The following SUGCT variants were observed in gnomAD, a reference collection of about 807,000 sequenced individuals.
SUGCT encodes the protein succinyl-CoA:glutarate CoA-transferase.
Under a neutral mutation model 55.0 loss-of-function variants are expected in SUGCT, and 41 were observed. The observed-to-expected ratio is 0.74, with a 90% CI of 0.58 to 0.97. The LOEUF (loss-of-function observed/expected upper bound fraction) is 0.97. Ranked by LOEUF, SUGCT falls within the 50% of genes least tolerant of loss-of-function variation. SUGCT has a pLI of 0.00. For missense variants in SUGCT, 568 were observed against 547.8 expected (o/e 1.04, Z -0.37); for synonymous variants, 187 against 200.4 (o/e 0.93, Z 0.56).
At chr7:40,838,944 G>GTTT (rs74338520) in intron 13 of SUGCT, among the ~76,000 whole-genome samples, 1 of 129,956 alleles carries the variant, frequency 7.7e-6, no homozygotes, top group Non-Finnish European at 1.7e-5. Flanking sequence ...TTTGGTGAGA[G>GTTT]TTTTTTTTTT....
chr7:40,438,453 G>A (rs1352438883), intron 9 of SUGCT, among the ~76,000 whole-genome samples: 1 of 152,132 alleles, frequency 6.6e-6, no homozygotes, highest in Non-Finnish European at 1.5e-5. Context: ...TTCTCACGAT[G>A]AGCGTATGAT....
At chr7:40,636,915 C>T (rs957161984) in intron 12 of SUGCT, among the ~76,000 whole-genome samples, 2 of 152,080 alleles carry the variant, frequency 1.3e-5, no homozygotes, top group African/African-American at 2.4e-5. Context: ...ATCCCTAACC[C>T]CTCCTTTCCC....
chr7:40,541,082 G>T (rs1430533957), intron 12 of SUGCT, among the ~76,000 whole-genome samples: 1 of 152,180 alleles, frequency 6.6e-6, no homozygotes, highest in Non-Finnish European at 1.5e-5. Context: ...TTGGCAGTGG[G>T]TGAAGAGGAA....
At chr7:40,709,846 G>A (rs1349574704) in intron 12 of SUGCT, among the ~76,000 whole-genome samples, 2 of 152,170 alleles carry the variant, frequency 1.3e-5, no homozygotes, top group Admixed American at 6.5e-5. Context: ...CTTCACTGCC[G>A]GAATTTCTGA....
At chr7:40,561,393 G>A (rs1001093354) in intron 12 of SUGCT, among the ~76,000 whole-genome samples, 12 of 152,112 alleles carry the variant, frequency 7.9e-5, no homozygotes, top group African/African-American at 2.9e-4. Flanking sequence ...TGGAGAACTG[G>A]GTTGCATCTC....
At chr7:40,211,764 T>C (rs1203285442) in intron 6 of SUGCT, among the ~76,000 whole-genome samples, 5 of 152,164 alleles carry the variant, frequency 3.3e-5, no homozygotes, top group Admixed American at 1.3e-4. Context: ...TTTCTTCTCA[T>C]GCCCCACCTC....
intron 6 of SUGCT, among the ~76,000 whole-genome samples, chr7:40,215,024 A>T (rs1050784287): frequency 1.3e-5 from 2 of 152,208 alleles, no homozygotes; most frequent in Admixed American, 6.5e-5. Context: ...CATTCCCTCT[A>T]TGGAGAATGA....
chr7:40,554,186 C>T lies in SUGCT; in HGVS notation c.1089+57800C>T, dbSNP rs148167602. Reference sequence around the variant, plus strand: ...CATAGTGCCCGACACATTATGAGCACTCAATAAATACTTGATATTAATGTT... The same window carrying T: ...CATAGTGCCCGACACATTATGAGCATTCAATAAATACTTGATATTAATGTT... On this transcript the variant is annotated intron_variant, in intron 12 of 13. Transcript: ENST00000335693. Among the ~76,000 whole-genome samples, 23 of 152,306 alleles carry T rather than the reference C, an allele frequency of 1.5e-4. No individual in the cohort carries two copies. In the East Asian group the frequency reaches 4.2e-3, roughly 28 times the overall value.
chr7:41,024,270 G>T, the SUGCT span, among the ~76,000 whole-genome samples: 22 of 152,294 alleles, frequency 1.4e-4, no homozygotes, highest in African/African-American at 4.3e-4. Context: ...GAGAATATCT[G>T]TATAAGCTTG....
At chr7:40,213,422 C>T (rs544930210) in intron 6 of SUGCT, among the ~76,000 whole-genome samples, 6 of 152,284 alleles carry the variant, frequency 3.9e-5, no homozygotes, top group African/African-American at 1.4e-4. Flanking sequence ...AAGACTATTA[C>T]AGAGGTGAAG....
the SUGCT span, among the ~76,000 whole-genome samples, chr7:40,989,834 G>T: frequency 6.6e-6 from 1 of 152,110 alleles, no homozygotes; most frequent in Non-Finnish European, 1.5e-5. Context: ...TTATGAGATT[G>T]CAGAAATTTA....
At chr7:40,606,702 T>C (rs10486810) in intron 12 of SUGCT, among the ~76,000 whole-genome samples, 31,619 of 152,140 alleles carry the variant, frequency 0.21, 5,616 homozygotes, top group African/African-American at 0.48. Context: ...GTCTTTATCA[T>C]GGAACCTGTC....
In SUGCT at chr7:40,336,052, A is replaced by G. The variant is rs545030379; in HGVS notation, c.816+19197A>G. Among the ~76,000 whole-genome samples, 142 of 152,252 alleles carry G rather than the reference A, an allele frequency of 9.3e-4. 3 individuals carry two copies. The South Asian group carries it at 0.029, about 32-fold the overall frequency. ...TCTGTTTATATGCTGGATTACGTTT[A>G]TTGATTTGCATATGTTGAACCAGCC... On this transcript the variant is annotated intron_variant, in intron 9 of 13. Coordinates refer to ENST00000335693, the MANE Select transcript of SUGCT (RefSeq NM_001193313.2).
chr7:40,911,566 T>G, the SUGCT span, among the ~76,000 whole-genome samples: 1 of 76,862 alleles, frequency 1.3e-5, no homozygotes, highest in Admixed American at 1.3e-4. Context: ...AGACCCTGTC[T>G]CAAAAAAAAA....
intron 12 of SUGCT, among the ~76,000 whole-genome samples, chr7:40,613,724 C>T (rs1414975128): frequency 1.3e-5 from 2 of 152,114 alleles, no homozygotes; most frequent in African/African-American, 2.4e-5. Context: ...GATTCTCCTG[C>T]CCCAGCCTCC....
At chr7:40,946,065 A>G in the SUGCT span, among the ~76,000 whole-genome samples, 1 of 151,734 alleles carries the variant, frequency 6.6e-6, no homozygotes, top group East Asian at 1.9e-4. Flanking sequence ...CTGGTTAGCC[A>G]GGATGATGCA....
At position 40,860,677 on chromosome 7, in the gene SUGCT, CCCTA is replaced by C; in HGVS notation, c.*201_*204del. The stretch of plus-strand genomic sequence containing the variant: ...TTTTAAATGTATCCCACGTTTTGTT[CCCTA>C]CCATCTTTTTTTTCAGATGATGATT... On this transcript the variant is annotated 3_prime_UTR_variant, in exon 14 of 14. Transcript: ENST00000335693. The C allele has an allele frequency of 2.4e-6, 1 of 423,594 alleles. No individual in the cohort carries two copies. The highest frequency in any genetic ancestry group is 4.0e-6 in the Non-Finnish European group (1 of 248,046). The allele number at this position is 423,594 out of a possible 1,614,324, so 26.2% of individuals were successfully genotyped here.
At chr7:40,745,593 G>C (rs976973559) in intron 12 of SUGCT, among the ~76,000 whole-genome samples, 2 of 152,094 alleles carry the variant, frequency 1.3e-5, no homozygotes, top group Non-Finnish European at 2.9e-5. Flanking sequence ...AGAGGTTGGC[G>C]CACTGACTAC....
rs572012314 is a variant in SUGCT, at chr7:40,792,543, T to A, written c.1153+43046T>A. Among the ~76,000 whole-genome samples, 11 of 152,286 alleles carry A rather than the reference T, an allele frequency of 7.2e-5. 1 individual carries two copies. In the South Asian group the frequency reaches 2.3e-3, roughly 32 times the overall value. ...CCTATTAATTGCCATGAAGAAAATATGCTGATGAAATATGCTGGACTTGTA... is the reference window on the plus strand; with the variant it reads ...CCTATTAATTGCCATGAAGAAAATAAGCTGATGAAATATGCTGGACTTGTA... On this transcript the variant is annotated intron_variant, in intron 13 of 13. Transcript: ENST00000335693.
Sources: allele counts gnomAD v4.1 joint callset (sites outside exome capture counted in the v4.1 genomes callset), GRCh38; gene constraint gnomAD v4.1.1; transcripts MANE v1.5; gene names NCBI Gene and HGNC (gene_info 2026-07-23, HGNC 2026-07-21).